Variants in STXBP5 observed in about 807,000 individuals in gnomAD.
STXBP5 encodes the protein syntaxin binding protein 5, also known as syntaxin-binding protein 5.
In STXBP5, 50 loss-of-function variants were observed where a neutral mutation model predicts 152.4. The ratio of observed to expected loss-of-function variants is 0.33; its 90% CI spans 0.26 to 0.42. STXBP5 has a LOEUF of 0.42. Among genes scored for constraint, STXBP5 ranks in the 10% least tolerant of loss-of-function variants. The pLI, the probability that STXBP5 is intolerant of heterozygous loss-of-function variation, is 1.00. For synonymous variants in STXBP5, 492 were observed against 494.7 expected (o/e 0.99, Z 0.07); for missense variants, 1,167 against 1,388.6 (o/e 0.84, Z 2.54).
At chr6:147,353,208 T>C (rs539422495) in intron 21 of STXBP5, 115 bp from the exon 22 acceptor site, 5 of 608,826 alleles carry the variant, frequency 8.2e-6, no homozygotes, top group Non-Finnish European at 1.1e-5. Flanking sequence ...CATCTTTTAT[T>C]TATCTCGGCA....
rs955172005 is a variant in STXBP5, at chr6:147,240,781, G to C, written c.431+1511G>C. Among the ~76,000 whole-genome samples the C allele has an allele frequency of 7.2e-5, 11 of 152,134 alleles. No individual in the cohort carries two copies. In the South Asian group the frequency reaches 8.3e-4, roughly 11 times the overall value. ...TACTTGATTCTCATGACATTTCATG[G>C]AATTAGTGAGAAACGTGGTTTGGGA... On this transcript the variant is annotated intron_variant, in intron 4 of 27. Coordinates refer to ENST00000321680, the MANE Select transcript of STXBP5 (RefSeq NM_001127715.4).
Position 147,225,978 on chromosome 6 carries a change from T to C in STXBP5, c.249-9272T>C, listed in dbSNP as rs181796632. ...AGAACGTTTTTCCACTGTTGTATAC[T>C]TTTTATTGGTTTTCCGAAAAGTGAA... On this transcript the variant is annotated intron_variant, in intron 2 of 27. Coordinates refer to ENST00000321680, the MANE Select transcript of STXBP5 (RefSeq NM_001127715.4). 5.3e-5 allele frequency among the ~76,000 whole-genome samples: 8 copies of C among 152,282 alleles called. No homozygotes were observed. In the East Asian group the frequency reaches 1.4e-3, roughly 26 times the overall value.
intron 2 of STXBP5, among the ~76,000 whole-genome samples, chr6:147,206,416 GACA>G (rs1168891387): frequency 2.6e-5 from 4 of 152,154 alleles, no homozygotes; most frequent in South Asian, 2.1e-4. Context: ...GAGGTTTAAA[GACA>G]ATTACTTTTA....
intron 16 of STXBP5, among the ~76,000 whole-genome samples, chr6:147,322,421 A>G (rs778036182): frequency 6.6e-6 from 1 of 152,232 alleles, no homozygotes. Flanking sequence ...TCGTATAAGC[A>G]GTGCCCTCAG....
chr6:147,310,356 G>GAATT, intron 10 of STXBP5, 118 bp downstream of exon 10: 1 of 742,706 alleles, frequency 1.3e-6, no homozygotes, highest in Non-Finnish European at 1.9e-6. Context: ...TTCTGGAGAA[G>GAATT]AGCTGCTGCA....
chr6:147,364,221 GC>G, intron 25 of STXBP5, 55 bp downstream of exon 25: 1 of 1,470,842 alleles, frequency 6.8e-7, no homozygotes, highest in Non-Finnish European at 9.3e-7. Flanking sequence ...TTCTCTGAGG[GC>G]CCGTATACTG....
intron 2 of STXBP5, among the ~76,000 whole-genome samples, chr6:147,233,963 AT>A (rs1231986844): frequency 1.3e-5 from 2 of 151,114 alleles, no homozygotes; most frequent in Non-Finnish European, 3.0e-5. Flanking sequence ...CAACCTGTTA[AT>A]TTATAAAATA....
intron 27 of STXBP5, 137 bp from the exon 28 acceptor site, chr6:147,384,577 T>G (rs374224418): frequency 1.2e-6 from 1 of 822,336 alleles, no homozygotes. Context: ...CTGCTTTTAA[T>G]AAGTTGAAGT....
intron 2 of STXBP5, among the ~76,000 whole-genome samples, chr6:147,208,869 C>G (rs979344487): frequency 6.6e-6 from 1 of 151,968 alleles, no homozygotes; most frequent in Admixed American, 6.6e-5. Context: ...AATCTTAATC[C>G]TTTAATAATA....
chr6:147,255,511 T>C (rs9322095), intron 4 of STXBP5, among the ~76,000 whole-genome samples: 5 of 90,934 alleles, frequency 5.5e-5, no homozygotes, highest in African/African-American at 1.6e-4. Flanking sequence ...TTTGTTGTTG[T>C]TGTTGTTGTT....
intron 7 of STXBP5, among the ~76,000 whole-genome samples, chr6:147,267,421 C>T (rs1779947055): frequency 6.6e-6 from 1 of 152,154 alleles, no homozygotes; most frequent in African/African-American, 2.4e-5. Flanking sequence ...CAAAGAGACA[C>T]TGTGCATTTA....
chr6:147,284,671 TAGAA>T (rs779469913), intron 8 of STXBP5, among the ~76,000 whole-genome samples: 4 of 152,184 alleles, frequency 2.6e-5, no homozygotes, highest in Admixed American at 6.5e-5. Context: ...AAAGTTATCT[TAGAA>T]GGCACAAAGG....
intron 2 of STXBP5, among the ~76,000 whole-genome samples, chr6:147,221,931 T>G (rs955041442): frequency 6.6e-6 from 1 of 152,126 alleles, no homozygotes; most frequent in Non-Finnish European, 1.5e-5. Flanking sequence ...TCTCAGATAC[T>G]CTGTTCTGTT....
chr6:147,286,719 G>C (rs139101523), intron 8 of STXBP5, among the ~76,000 whole-genome samples: 77 of 152,158 alleles, frequency 5.1e-4, no homozygotes, highest in Non-Finnish European at 8.7e-4. Context: ...AAACCAAAGA[G>C]GGGAGGGACC....
rs770380219 is a variant in STXBP5 at position 147,384,788 on chromosome 6, G to A, written c.*33G>A. On this transcript the variant is annotated 3_prime_UTR_variant, in exon 28 of 28. Coordinates refer to ENST00000321680, the MANE Select transcript of STXBP5 (RefSeq NM_001127715.4). ...AATCCAATAAGTCCAACTTCAGCCA[G>A]AAGGAAAAAAGTTTTCCATTTTTAT... The A allele has an allele frequency of 3.1e-6, 5 of 1,596,402 alleles. No individual in the cohort carries two copies. The Admixed American group carries it at 5.4e-5, about 17-fold the overall frequency.
rs1275513210 is a variant in STXBP5, at chr6:147,389,443, A to G, written c.*4688A>G. Reference sequence around the variant, plus strand: ...AATTTTAACAATATAGGCACAATTCATTTACAAATTCAGTACAGTAGTCCA... The same window carrying G: ...AATTTTAACAATATAGGCACAATTCGTTTACAAATTCAGTACAGTAGTCCA... On this transcript the variant is annotated 3_prime_UTR_variant, in exon 28 of 28. Transcript: ENST00000321680. The G allele has an allele frequency of 6.6e-6, 1 of 151,872 alleles. No homozygotes were observed. Among genetic ancestry groups the G allele is most frequent in the Non-Finnish European group, 1.5e-5 (1 of 67,792 alleles). The allele number at this position is 151,872 out of a possible 1,614,324, so 9.4% of individuals were successfully genotyped here.
At position 147,311,438 on chromosome 6, in the gene STXBP5, G is replaced by T. The variant is rs769628812; in HGVS notation, c.1073-17G>T. The stretch of plus-strand genomic sequence containing the variant: ...TTGCATTTTTGAAACTATAATTCAT[G>T]CATTGTCCAATTCCAGATTTTCAAG... On this transcript the variant is annotated splice_polypyrimidine_tract_variant and intron_variant, in intron 10 of 27. Transcript: ENST00000321680. 6.2e-7 allele frequency: 1 copy of T among 1,607,910 alleles called. No homozygotes were observed. Among genetic ancestry groups the T allele is most frequent in the Admixed American group, 1.7e-5 (1 of 59,340 alleles).
Position 147,382,761 on chromosome 6 carries a change from T to C in STXBP5, c.3194-17T>C. 1 of 1,609,470 alleles carries C rather than the reference T, an allele frequency of 6.2e-7. No individual in the cohort carries two copies. ...TTCATGTTTTGAGTTACTCTTTGAT[T>C]TATCAAATGTGTTCAGTTGGAGAAT... On this transcript the variant is annotated splice_polypyrimidine_tract_variant and intron_variant, in intron 26 of 27. Coordinates refer to ENST00000321680, the MANE Select transcript of STXBP5 (RefSeq NM_001127715.4).
chr6:147,357,638 G>A (rs560831220), intron 22 of STXBP5, among the ~76,000 whole-genome samples: 15 of 152,096 alleles, frequency 9.9e-5, no homozygotes, highest in East Asian at 7.7e-4. Context: ...AGGAGAACCC[G>A]AACTTAGGAT....
Sources: gnomAD v4.1 joint callset for allele counts (sites outside exome capture counted in the v4.1 genomes callset) on GRCh38, gnomAD v4.1.1 for gene constraint, MANE v1.5 for transcripts, NCBI Gene and HGNC (gene_info 2026-07-23, HGNC 2026-07-21) for gene names.